ZDHHC3: variants seen among roughly 807,000 people sequenced by gnomAD.
ZDHHC3 encodes the protein palmitoyltransferase ZDHHC3.
ZDHHC3 carries 9 observed loss-of-function variants against 30.6 expected under a neutral mutation model. That is an observed-to-expected ratio of 0.29 (90% CI 0.18 to 0.51). The LOEUF (loss-of-function observed/expected upper bound fraction) is 0.51, where lower values mean the gene tolerates loss of function less well. Ranked by LOEUF, ZDHHC3 falls within the 20% of genes least tolerant of loss-of-function variation. ZDHHC3 has a pLI of 0.97. For synonymous variants in ZDHHC3, 136 were observed against 140.2 expected (o/e 0.97, Z 0.21); for missense variants, 246 against 384.2 (o/e 0.64, Z 3.01).
Position 44,915,837 on chromosome 3 carries a change from C to G in ZDHHC3, c.*10852G>C, listed in dbSNP as rs1700127361. The G allele has an allele frequency of 6.6e-6, 1 of 152,292 alleles. No individual in the cohort carries two copies. The highest frequency in any genetic ancestry group is 1.5e-5 in the Non-Finnish European group (1 of 68,124). The allele number at this position is 152,292 out of a possible 1,614,324, so 9.4% of individuals were successfully genotyped here. The stretch of plus-strand genomic sequence containing the variant: ...GACCAGCAAATCCTCTTCCCTTATT[C>G]TAACTGCTGCCCCCTAGGAGACTCC... On this transcript the variant is annotated 3_prime_UTR_variant, in exon 7 of 7. Transcript: ENST00000424952.
At position 44,917,993 on chromosome 3, in the gene ZDHHC3, T is replaced by C. The variant is rs201609037; in HGVS notation, c.*8696A>G. On this transcript the variant is annotated 3_prime_UTR_variant, in exon 7 of 7. Transcript: ENST00000424952. ...GACAGCGATGTCACCTGCCGCACCA[T>C]GTCTTTGTCACTGGGGATCTCTGGC... The C allele has an allele frequency of 5.4e-4, 703 of 1,305,338 alleles. No individual in the cohort carries two copies. Among genetic ancestry groups the C allele is most frequent in the Non-Finnish European group, 6.7e-4 (659 of 988,980 alleles). The allele number at this position is 1,305,338 out of a possible 1,614,324, so 80.9% of individuals were successfully genotyped here.
In ZDHHC3 at chr3:44,921,713, T is replaced by A. The variant is rs1003563183; in HGVS notation, c.*4976A>T. 2 of 963,048 alleles carry A rather than the reference T, an allele frequency of 2.1e-6. No homozygotes were observed. The highest frequency in any genetic ancestry group is 1.2e-4 in the East Asian group (1 of 8,688). The allele number at this position is 963,048 out of a possible 1,614,324, so 59.7% of individuals were successfully genotyped here. On this transcript the variant is annotated 3_prime_UTR_variant, in exon 7 of 7. Coordinates refer to ENST00000424952, the MANE Select transcript of ZDHHC3 (RefSeq NM_001135179.2). ...TTAGATTATCATTCCCGTTTTCAGA[T>A]GAAAAAACTGAGGCTTAAAGAAGTT...
chr3:44,975,768 TCTCTCACACACACACACA>T (rs1316060423), intron 1 of ZDHHC3, among the ~76,000 whole-genome samples, 147 bp downstream of exon 1: 1 of 140,818 alleles, frequency 7.1e-6, no homozygotes, highest in Non-Finnish European at 1.5e-5. Context: ...TCTCTCTCTC[TCTCTCACACACACACACA>T]CACACACACA....
Position 44,923,457 on chromosome 3 carries a change from C to G in ZDHHC3, c.*3232G>C, listed in dbSNP as rs553906100. ...TGCATTAGGGGACGGTGGATTCTAA[C>G]TATTTAAGTGGCCTAGCCAGATGAG... On this transcript the variant is annotated 3_prime_UTR_variant, in exon 7 of 7. Coordinates refer to ENST00000424952, the MANE Select transcript of ZDHHC3 (RefSeq NM_001135179.2). The G allele has an allele frequency of 1.0e-6, 1 of 985,144 alleles. No homozygotes were observed. The highest frequency in any genetic ancestry group is 1.7e-5 in the African/African-American group (1 of 57,196). 61.0% of individuals were successfully genotyped at this position (985,144 alleles called of 1,614,324 possible).
chr3:44,956,051 C>T (rs1261838582), intron 2 of ZDHHC3, among the ~76,000 whole-genome samples: 1 of 152,170 alleles, frequency 6.6e-6, no homozygotes, highest in Non-Finnish European at 1.5e-5. Context: ...TGGAAGCTGG[C>T]AACACACCAC....
At position 44,926,487 on chromosome 3, in the gene ZDHHC3, G is replaced by C. The variant is rs1249456363; in HGVS notation, c.*202C>G. 2 of 1,282,424 alleles carry C rather than the reference G, an allele frequency of 1.6e-6. No individual in the cohort carries two copies. The highest frequency in any genetic ancestry group is 2.0e-6 in the Non-Finnish European group (2 of 1,017,846). 79.4% of individuals were successfully genotyped at this position (1,282,424 alleles called of 1,614,324 possible). On this transcript the variant is annotated 3_prime_UTR_variant, in exon 7 of 7. Transcript: ENST00000424952. Reference sequence around the variant, plus strand: ...AAGAGAGCAGCTTCGGTCACCAAAAGAAATCGAAAGGATGGTTTTTAAAAA... The same window carrying C: ...AAGAGAGCAGCTTCGGTCACCAAAACAAATCGAAAGGATGGTTTTTAAAAA...
Position 44,933,046 on chromosome 3 carries a change from G to C in ZDHHC3, c.610+72C>G, listed in dbSNP as rs940086943. ...CCCCTGGCACCATGAAGGAAACAAAGAGCCTCCCCGCCCCCCACTCAGGTC... is the reference window on the plus strand; with the variant it reads ...CCCCTGGCACCATGAAGGAAACAAACAGCCTCCCCGCCCCCCACTCAGGTC... On this transcript the variant is annotated intron_variant, in intron 5 of 6. Transcript: ENST00000424952. The C allele has an allele frequency of 3.7e-6, 6 of 1,612,872 alleles. No homozygotes were observed. In the African/African-American group the frequency reaches 4.0e-5, roughly 11 times the overall value.
rs1388703999 is a variant in ZDHHC3 at position 44,918,376 on chromosome 3, G to A, written c.*8313C>T. ...GCAGCGTGGAGGAACACAGCAAGCA[G>A]GGCCCGCCTGGTGGACTGACGTGTT... On this transcript the variant is annotated 3_prime_UTR_variant, in exon 7 of 7. Coordinates refer to ENST00000424952, the MANE Select transcript of ZDHHC3 (RefSeq NM_001135179.2). The A allele has an allele frequency of 1.0e-6, 1 of 985,240 alleles. No individual in the cohort carries two copies. The highest frequency in any genetic ancestry group is 1.1e-4 in the East Asian group (1 of 8,808). 61.0% of individuals were successfully genotyped at this position (985,240 alleles called of 1,614,324 possible).
rs547119985 is a variant in ZDHHC3 at position 44,923,014 on chromosome 3, C to A, written c.*3675G>T. ...AACCCATTAGCCTGGCTGAGAAAGCCCATCCCAGCCCACCCGGAGAGGAGT... is the reference window on the plus strand; with the variant it reads ...AACCCATTAGCCTGGCTGAGAAAGCACATCCCAGCCCACCCGGAGAGGAGT... On this transcript the variant is annotated 3_prime_UTR_variant, in exon 7 of 7. Transcript: ENST00000424952. 1 of 984,370 alleles carries A rather than the reference C, an allele frequency of 1.0e-6. No individual in the cohort carries two copies. Among genetic ancestry groups the A allele is most frequent in the Non-Finnish European group, 1.2e-6 (1 of 829,152 alleles). The allele number at this position is 984,370 out of a possible 1,614,324, so 61.0% of individuals were successfully genotyped here.
At chr3:44,930,883 G>C (rs1208018393) in intron 5 of ZDHHC3, among the ~76,000 whole-genome samples, 1 of 152,106 alleles carries the variant, frequency 6.6e-6, no homozygotes, top group African/African-American at 2.4e-5. Flanking sequence ...AGAATGAGAG[G>C]CTCTGACATC....
At chr3:44,967,555 C>T (rs1030337356) in intron 1 of ZDHHC3, among the ~76,000 whole-genome samples, 1 of 152,072 alleles carries the variant, frequency 6.6e-6, no homozygotes, top group Non-Finnish European at 1.5e-5. Context: ...AAAAGACACA[C>T]TCATGTACAG....
intron 2 of ZDHHC3, among the ~76,000 whole-genome samples, chr3:44,956,319 C>T (rs1425564627): frequency 6.6e-6 from 1 of 152,226 alleles, no homozygotes; most frequent in African/African-American, 2.4e-5. Flanking sequence ...TACTGCCCAC[C>T]TAGCATCTCT....
At chr3:44,944,955 A>T (rs1008839489) in intron 3 of ZDHHC3, among the ~76,000 whole-genome samples, 3 of 152,210 alleles carry the variant, frequency 2.0e-5, no homozygotes, top group Non-Finnish European at 4.4e-5. Context: ...CTGAGGCCAA[A>T]CCAAATGCTC....
At chr3:44,963,977 T>C (rs1704710846) in intron 1 of ZDHHC3, among the ~76,000 whole-genome samples, 1 of 152,218 alleles carries the variant, frequency 6.6e-6, no homozygotes, top group East Asian at 1.9e-4. Flanking sequence ...TGTGCTGCCC[T>C]GCTCAGGCCC....
At chr3:44,943,431 T>C (rs959453615) in intron 3 of ZDHHC3, among the ~76,000 whole-genome samples, 1 of 152,086 alleles carries the variant, frequency 6.6e-6, no homozygotes, top group Non-Finnish European at 1.5e-5. Flanking sequence ...CAGGGCAGGC[T>C]GAGGTGCCGT....
Position 44,923,515 on chromosome 3 carries a change from T to G in ZDHHC3, c.*3174A>C. ...TAATACTTGGGGCTTTTTCAAGAAG[T>G]ACAGGGCTGGGCCCAGTGGCTCACG... On this transcript the variant is annotated 3_prime_UTR_variant, in exon 7 of 7. Coordinates refer to ENST00000424952, the MANE Select transcript of ZDHHC3 (RefSeq NM_001135179.2). 2 of 985,380 alleles carry G rather than the reference T, an allele frequency of 2.0e-6. No individual in the cohort carries two copies. The highest frequency in any genetic ancestry group is 2.4e-6 in the Non-Finnish European group (2 of 829,928). The allele number at this position is 985,380 out of a possible 1,614,324, so 61.0% of individuals were successfully genotyped here.
chr3:44,959,534 A>G lies in ZDHHC3; in HGVS notation c.-24-74T>C. 1 of 1,380,354 alleles carries G rather than the reference A, an allele frequency of 7.2e-7. No individual in the cohort carries two copies. Among genetic ancestry groups the G allele is most frequent in the Non-Finnish European group, 9.9e-7 (1 of 1,006,790 alleles). The allele number at this position is 1,380,354 out of a possible 1,614,324, so 85.5% of individuals were successfully genotyped here. A position where few individuals can be genotyped will look rare whatever the true frequency, so the allele number is the denominator to read the frequency against. The stretch of plus-strand genomic sequence containing the variant: ...AAGGAGGTTTGACAAAATTGCTCCC[A>G]TAGTGAGTTGTGATTACTTATCTGC... On this transcript the variant is annotated intron_variant, in intron 1 of 6. Transcript: ENST00000424952. This position sits in a 1 kb window ranked among gnomAD's most constrained non-coding sequence, Gnocchi z 4.3.
intron 1 of ZDHHC3, among the ~76,000 whole-genome samples, chr3:44,974,850 T>A (rs1266805966): frequency 2.0e-5 from 3 of 152,332 alleles, no homozygotes; most frequent in East Asian, 3.9e-4. Flanking sequence ...CCAATCCCAC[T>A]GTGCCCACTG....
rs1379371713 is a variant in ZDHHC3 at position 44,933,493 on chromosome 3, C to A, written c.529-294G>T. 4 of 554,618 alleles carry A rather than the reference C, an allele frequency of 7.2e-6. No homozygotes were observed. In the African/African-American group the frequency reaches 7.5e-5, roughly 10 times the overall value. The allele number at this position is 554,618 out of a possible 1,614,324, so 34.4% of individuals were successfully genotyped here. A position where few individuals can be genotyped will look rare whatever the true frequency, so the allele number is the denominator to read the frequency against. The stretch of plus-strand genomic sequence containing the variant: ...GAGCTGCCTGGGCGGGGGGTTCAAG[C>A]CTGCTGTACCTCCTCCCTTGAAAAG... On this transcript the variant is annotated intron_variant, in intron 4 of 6. Transcript: ENST00000424952.
Sources: allele counts gnomAD v4.1 joint callset (sites outside exome capture counted in the v4.1 genomes callset), GRCh38; gene constraint gnomAD v4.1.1; non-coding constraint Gnocchi (gnomAD v3.1); transcripts MANE v1.5; gene names NCBI Gene and HGNC (gene_info 2026-07-23, HGNC 2026-07-21).